HDAC1: variants seen among roughly 807,000 people sequenced by gnomAD.
HDAC1 encodes the protein histone deacetylase 1.
Under a neutral mutation model 65.5 loss-of-function variants are expected in HDAC1, and 18 were observed. That is an observed-to-expected ratio of 0.27 (90% CI 0.19 to 0.41). The LOEUF is 0.41. Among genes scored for constraint, HDAC1 ranks in the 10% least tolerant of loss-of-function variants. HDAC1 has a pLI of 1.00. For synonymous variants in HDAC1, 211 were observed against 227.9 expected, an observed-to-expected ratio of 0.93 and a Z score of 0.67; for missense variants, 373 against 625.2, an observed-to-expected ratio of 0.60 and a Z score of 4.30.
chr1:32,320,278 G>A (rs1472656142), intron 3 of HDAC1, among the ~76,000 whole-genome samples: 1 of 151,434 alleles, frequency 6.6e-6, no homozygotes, highest in African/African-American at 2.4e-5. Flanking sequence ...CCTAATCTAG[G>A]AAGTTATGCT....
intron 3 of HDAC1, among the ~76,000 whole-genome samples, chr1:32,321,003 G>A (rs1185577939): frequency 1.1e-4 from 17 of 150,840 alleles, no homozygotes; most frequent in East Asian, 3.9e-4. Flanking sequence ...AGGCCGAGGC[G>A]GGCAGATCAC....
intron 4 of HDAC1, among the ~76,000 whole-genome samples, chr1:32,326,247 G>A (rs1215387096): frequency 2.6e-5 from 4 of 151,058 alleles, no homozygotes; most frequent in African/African-American, 9.7e-5. Flanking sequence ...TGCAACCTCC[G>A]CCTCCTGGGT....
intron 1 of HDAC1, among the ~76,000 whole-genome samples, chr1:32,301,159 G>A (rs1452560978): frequency 6.6e-6 from 1 of 151,176 alleles, no homozygotes; most frequent in Admixed American, 6.6e-5. Flanking sequence ...GATTAAGAAA[G>A]TCCTTGGCCG....
intron 3 of HDAC1, among the ~76,000 whole-genome samples, chr1:32,322,207 G>A (rs912737851): frequency 6.6e-6 from 1 of 151,900 alleles, no homozygotes; most frequent in Non-Finnish European, 1.5e-5. Context: ...CTGGGCAAGA[G>A]AATAAGTATG....
At position 32,330,285 on chromosome 1, in the gene HDAC1, A is replaced by C; in HGVS notation, c.730-293A>C. The C allele has an allele frequency of 2.7e-6, 1 of 371,424 alleles. No homozygotes were observed. The highest frequency in any genetic ancestry group is 5.0e-6 in the Non-Finnish European group (1 of 198,674). The allele number at this position is 371,424 out of a possible 1,614,324, so 23.0% of individuals were successfully genotyped here. ...AAGGTCAGGAAGGCTTCCTGGAGGA[A>C]GTGGCACTAGAGCTTGGGCAACAGA... On this transcript the variant is annotated intron_variant, in intron 7 of 13. Coordinates refer to ENST00000373548, the MANE Select transcript of HDAC1 (RefSeq NM_004964.3). The surrounding 1 kb of genome is among the most constrained non-coding windows in gnomAD (Gnocchi z 4.2).
chr1:32,319,910 G>A (rs934059118), intron 3 of HDAC1, among the ~76,000 whole-genome samples: 1 of 151,530 alleles, frequency 6.6e-6, no homozygotes, highest in African/African-American at 2.4e-5. Context: ...GCAAGAACTC[G>A]TCTCAATAAA....
At position 32,327,845 on chromosome 1, in the gene HDAC1, G is replaced by A. The variant is rs114227691; in HGVS notation, c.636+168G>A. ...TCTCTTTCCCTTCCTTATTCTGGAG[G>A]AAGGGAATGATGGGACATAAAGGGC... On this transcript the variant is annotated intron_variant, in intron 6 of 13. Coordinates refer to ENST00000373548, the MANE Select transcript of HDAC1 (RefSeq NM_004964.3). The surrounding 1 kb of genome is among the most constrained non-coding windows in gnomAD (Gnocchi z 6.0). The A allele has an allele frequency of 2.3e-4, 156 of 670,954 alleles. No homozygotes were observed. Among genetic ancestry groups the A allele is most frequent in the African/African-American group, 2.3e-3 (131 of 56,436 alleles). The allele number at this position is 670,954 out of a possible 1,614,324, so 41.6% of individuals were successfully genotyped here.
chr1:32,324,928 T>C (rs1266023835), intron 4 of HDAC1, among the ~76,000 whole-genome samples: 1 of 152,068 alleles, frequency 6.6e-6, no homozygotes, highest in African/African-American at 2.4e-5. Context: ...GTCACACCAC[T>C]ACACTCTAGC....
chr1:32,322,881 T>C (rs1236308596), intron 3 of HDAC1, among the ~76,000 whole-genome samples: 1 of 152,182 alleles, frequency 6.6e-6, no homozygotes, highest in Non-Finnish European at 1.5e-5. Context: ...CGGTATCTGT[T>C]TGTTCCTCCG....
rs531204976 is a variant in HDAC1, at chr1:32,300,939, A to G, written c.50-1682A>G. ...TGAAAACAGCCATAGAGGAACTGTA[A>G]ACGGATGGGCATGGCTGTGTTCCAA... is the stretch of plus-strand genomic sequence containing the variant. On this transcript the variant is annotated intron_variant, in intron 1 of 13. Transcript: ENST00000373548. Among the ~76,000 whole-genome samples the G allele has an allele frequency of 4.6e-5, 7 of 152,328 alleles. No individual in the cohort carries two copies. In the East Asian group the frequency reaches 1.2e-3, roughly 25 times the overall value.
chr1:32,332,133 C>T lies in HDAC1; in HGVS notation c.1263C>T (p.Ser421=), dbSNP rs145425494. The T allele has an allele frequency of 6.3e-5, 101 of 1,611,964 alleles. No homozygotes were observed. The East Asian group carries it at 1.0e-3, about 16-fold the overall frequency. The change falls in exon 12 of 14, where the codon TCC becomes TCT. Residue 421 remains serine (S), a synonymous_variant. Coordinates refer to ENST00000373548, the MANE Select transcript of HDAC1 (RefSeq NM_004964.3). The stretch of plus-strand genomic sequence containing the variant: ...GAATTGCCTGTGAGGAAGAGTTCTC[C>T]GATTCTGAAGAGGAGGGAGAGGGGG... The part of the protein sequence containing the change: ...DKRIACEEEF[S]DSEEEGEGGR...
intron 2 of HDAC1, among the ~76,000 whole-genome samples, chr1:32,307,835 G>C (rs924479233): frequency 1.3e-5 from 2 of 152,192 alleles, no homozygotes; most frequent in Non-Finnish European, 2.9e-5. Context: ...TTCCTTCAGA[G>C]ATTTGGGATA....
Position 32,321,135 on chromosome 1 carries a change from G to A in HDAC1, c.281-3344G>A, listed in dbSNP as rs554862440. On this transcript the variant is annotated intron_variant, in intron 3 of 13. Transcript: ENST00000373548. ...AGTCCCAGCTACTTGGGAGGCTGAGGCAGGAGAATGGTGTGAACCCAGGAG... is the reference window on the plus strand; with the variant it reads ...AGTCCCAGCTACTTGGGAGGCTGAGACAGGAGAATGGTGTGAACCCAGGAG... Among the ~76,000 whole-genome samples, 4 of 151,084 alleles carry A rather than the reference G, an allele frequency of 2.6e-5. No homozygotes were observed. The South Asian group carries it at 8.3e-4, about 32-fold the overall frequency.
At chr1:32,306,318 C>T (rs140457765) in intron 2 of HDAC1, among the ~76,000 whole-genome samples, 2,423 of 151,890 alleles carry the variant, frequency 0.016, 69 homozygotes, top group African/African-American at 0.056. Flanking sequence ...GCCACCACGG[C>T]CAGCTAATTT....
At position 32,331,638 on chromosome 1, in the gene HDAC1, C is replaced by T. The variant is rs529626011; in HGVS notation, c.1089-38C>T. ...GAACATTCCTGACTTTGGTTTGTCC[C>T]TGACCAGAGCCCTGCTACTCTCTCC... On this transcript the variant is annotated intron_variant, in intron 10 of 13. Transcript: ENST00000373548. This position sits in a 1 kb window ranked among gnomAD's most constrained non-coding sequence, Gnocchi z 4.2. 91 of 1,613,510 alleles carry T rather than the reference C, an allele frequency of 5.6e-5. No individual in the cohort carries two copies. The highest frequency in any genetic ancestry group is 5.0e-4 in the Admixed American group (30 of 59,994).
intron 3 of HDAC1, 71 bp downstream of exon 3, chr1:32,316,853 T>G: frequency 1.1e-6 from 1 of 932,904 alleles, no homozygotes; most frequent in Non-Finnish European, 1.8e-6. Flanking sequence ...AGAGGCCCAT[T>G]CTGCCGTCCT....
chr1:32,322,890 C>G (rs570948069), intron 3 of HDAC1, among the ~76,000 whole-genome samples: 2 of 152,120 alleles, frequency 1.3e-5, no homozygotes. Flanking sequence ...TTTGTTCCTC[C>G]GCACAGTGGG....
At chr1:32,303,483 C>A (rs996883962) in intron 2 of HDAC1, among the ~76,000 whole-genome samples, 5 of 151,580 alleles carry the variant, frequency 3.3e-5, no homozygotes, top group Admixed American at 6.6e-5. Flanking sequence ...AACAAAAAAA[C>A]CAAAAATTTA....
intron 2 of HDAC1, among the ~76,000 whole-genome samples, chr1:32,304,549 C>T (rs971609679): frequency 2.6e-5 from 4 of 151,990 alleles, no homozygotes; most frequent in African/African-American, 9.7e-5. Flanking sequence ...CAGGCAGGCA[C>T]CACCATGCCT....
Sources: allele counts gnomAD v4.1 joint callset (sites outside exome capture counted in the v4.1 genomes callset), GRCh38; gene constraint gnomAD v4.1.1; non-coding constraint Gnocchi (gnomAD v3.1); transcripts MANE v1.5; gene names NCBI Gene and HGNC (gene_info 2026-07-23, HGNC 2026-07-21).